CPEB3: variants seen among roughly 807,000 people sequenced by gnomAD.
CPEB3 encodes cytoplasmic polyadenylation element binding protein 3.
In CPEB3, 20 loss-of-function variants were observed where a neutral mutation model predicts 67.2. The observed-to-expected ratio is 0.30, with a 90% CI of 0.21 to 0.43. CPEB3 has a LOEUF of 0.43. CPEB3 is among the 20% of genes least tolerant of loss of function. The pLI, the probability that CPEB3 is intolerant of heterozygous loss-of-function variation, is 1.00. For missense variants in CPEB3, 746 were observed against 968.6 expected (o/e 0.77, Z 3.05); for synonymous variants, 376 against 393.1 (o/e 0.96, Z 0.51).
At chr10:92,285,889 CTATCATGT>C (rs1396456027) in intron 1 of CPEB3, among the ~76,000 whole-genome samples, 2 of 151,842 alleles carry the variant, frequency 1.3e-5, no homozygotes, top group African/African-American at 2.4e-5. Flanking sequence ...TCCTCAAATG[CTATCATGT>C]TATCATTATA....
chr10:92,186,547 G>T (rs940680240), intron 3 of CPEB3, among the ~76,000 whole-genome samples: 1 of 151,402 alleles, frequency 6.6e-6, no homozygotes, highest in Admixed American at 6.6e-5. Flanking sequence ...CGATTCTCCT[G>T]CCTCAGCCTC....
intron 1 of CPEB3, among the ~76,000 whole-genome samples, chr10:92,290,000 T>A (rs1273150146): frequency 6.6e-6 from 1 of 150,990 alleles, no homozygotes; most frequent in East Asian, 1.9e-4. Context: ...CTGGTCACAT[T>A]TTTTGGGTTT....
intron 2 of CPEB3, among the ~76,000 whole-genome samples, chr10:92,235,943 T>C (rs920259792): frequency 6.6e-6 from 1 of 152,224 alleles, no homozygotes; most frequent in Admixed American, 6.5e-5. Context: ...TTTTATTAAA[T>C]TGATGCATAA....
At chr10:92,280,467 T>G (rs948470000) in intron 1 of CPEB3, among the ~76,000 whole-genome samples, 2 of 147,222 alleles carry the variant, frequency 1.4e-5, no homozygotes, top group African/African-American at 5.0e-5. Flanking sequence ...ATGCCTATAA[T>G]CCCAATACTT....
intron 7 of CPEB3, among the ~76,000 whole-genome samples, chr10:92,098,745 C>T (rs1844016802): frequency 1.3e-5 from 2 of 151,460 alleles, no homozygotes; most frequent in Middle Eastern, 3.5e-3. Context: ...TGTTACCAAA[C>T]CAGTTTAACT....
chr10:92,230,041 C>T (rs1417720412), intron 2 of CPEB3, among the ~76,000 whole-genome samples: 2 of 150,550 alleles, frequency 1.3e-5, no homozygotes, highest in Non-Finnish European at 1.5e-5. Context: ...AGCGAAACTC[C>T]GTCTAAAAAA....
At chr10:92,167,187 A>G (rs1472625338) in intron 4 of CPEB3, among the ~76,000 whole-genome samples, 1 of 152,184 alleles carries the variant, frequency 6.6e-6, no homozygotes, top group Non-Finnish European at 1.5e-5. Context: ...AGGCCACTAA[A>G]ACTTTCTCCA....
intron 1 of CPEB3, among the ~76,000 whole-genome samples, chr10:92,252,354 AC>A (rs1301195367): frequency 2.0e-5 from 3 of 152,204 alleles, no homozygotes; most frequent in Admixed American, 6.5e-5. Context: ...GTTCGGTATA[AC>A]TATACAACCA....
intron 4 of CPEB3, among the ~76,000 whole-genome samples, chr10:92,170,936 C>T (rs1033435842): frequency 6.6e-6 from 1 of 152,174 alleles, no homozygotes; most frequent in African/African-American, 2.4e-5. Flanking sequence ...TCAATTCCTA[C>T]ACTGTTCAGG....
chr10:92,135,617 T>C (rs1846054835), intron 6 of CPEB3, among the ~76,000 whole-genome samples: 1 of 152,126 alleles, frequency 6.6e-6, no homozygotes, highest in South Asian at 2.1e-4. Context: ...TCCTCAAGGA[T>C]CTAGAACTAG....
chr10:92,111,290 T>A, intron 6 of CPEB3, 96 bp from the exon 7 acceptor site: 1 of 868,244 alleles, frequency 1.2e-6, no homozygotes, highest in Non-Finnish European at 1.9e-6. Context: ...TTTGGCAAAT[T>A]CTTACTAAAA....
At chr10:92,132,797 C>G (rs999383029) in intron 6 of CPEB3, among the ~76,000 whole-genome samples, 1 of 152,092 alleles carries the variant, frequency 6.6e-6, no homozygotes, top group Non-Finnish European at 1.5e-5. Flanking sequence ...TGTGAAAGAA[C>G]AGAAATCACA....
At chr10:92,166,042 A>G (rs11592977) in intron 4 of CPEB3, among the ~76,000 whole-genome samples, 1 of 152,226 alleles carries the variant, frequency 6.6e-6, no homozygotes, top group African/African-American at 2.4e-5. Flanking sequence ...AAGGTTTTCA[A>G]CTTTGCCTAG....
At chr10:92,243,029 TTTTG>T (rs1261265000) in intron 1 of CPEB3, 1 of 152,116 alleles carries the variant, frequency 6.6e-6, no homozygotes, top group African/African-American at 2.4e-5. Flanking sequence ...TTTTTGGGTT[TTTTG>T]TTTTTGTTTT....
intron 4 of CPEB3, among the ~76,000 whole-genome samples, chr10:92,178,177 T>C (rs1043361605): frequency 6.6e-6 from 1 of 150,926 alleles, no homozygotes; most frequent in Non-Finnish European, 1.5e-5. Flanking sequence ...TTTTTTTTTT[T>C]AGATGGAGTC....
At chr10:92,164,907 T>C (rs1847663973) in intron 4 of CPEB3, among the ~76,000 whole-genome samples, 1 of 152,206 alleles carries the variant, frequency 6.6e-6, no homozygotes, top group South Asian at 2.1e-4. Context: ...AACACAACAC[T>C]ATTGTTTTCT....
chr10:92,144,551 C>A (rs773855984), intron 5 of CPEB3, among the ~76,000 whole-genome samples: 1 of 152,142 alleles, frequency 6.6e-6, no homozygotes, highest in Non-Finnish European at 1.5e-5. Context: ...CGGGTGTGAA[C>A]CACTGCACTG....
intron 4 of CPEB3, among the ~76,000 whole-genome samples, chr10:92,175,171 G>A (rs1285189596): frequency 6.6e-6 from 1 of 151,248 alleles, no homozygotes; most frequent in East Asian, 1.9e-4. Flanking sequence ...TTCCTTTCTT[G>A]AAGTTGTGGT....
intron 6 of CPEB3, chr10:92,137,325 C>T (rs1846149515): frequency 5.2e-6 from 4 of 773,764 alleles, no homozygotes; most frequent in Non-Finnish European, 6.2e-6. Flanking sequence ...TCGTGGGTAC[C>T]CCTGGCCATA....
Sources: allele counts gnomAD v4.1 joint callset (sites outside exome capture counted in the v4.1 genomes callset), GRCh38; gene constraint gnomAD v4.1.1; transcripts MANE v1.5; gene names NCBI Gene and HGNC (gene_info 2026-07-23, HGNC 2026-07-21).